ABR: variants seen among roughly 807,000 people sequenced by gnomAD.
ABR encodes the protein ABR activator of RhoGEF and GTPase.
In ABR, 35 loss-of-function variants were observed where a neutral mutation model predicts 107.2. The ratio of observed to expected loss-of-function variants is 0.33; its 90% confidence interval spans 0.25 to 0.43. The LOEUF (loss-of-function observed/expected upper bound fraction) is 0.43, where lower values mean the gene tolerates loss of function less well. ABR is among the 20% of genes least tolerant of loss of function. The pLI, the probability that ABR is intolerant of heterozygous loss-of-function variation, is 1.00. For missense variants in ABR, 815 were observed against 1,115.2 expected (o/e 0.73, Z 3.83); for synonymous variants, 498 against 462.0 (o/e 1.08, Z -1.00).
chr17:1,062,228 A>G (rs1352666086), intron 10 of ABR, among the ~76,000 whole-genome samples: 1 of 151,672 alleles, frequency 6.6e-6, no homozygotes, highest in Admixed American at 6.6e-5. Flanking sequence ...ATGTTCCTCT[A>G]GACGCTGCTG....
In ABR at chr17:1,051,703, A is replaced by ACAGTGC. The variant is rs1262002382; in HGVS notation, c.1562-1075_1562-1070dup. On this transcript the variant is annotated intron_variant, in intron 14 of 22. Transcript: ENST00000302538. The surrounding 1 kb of genome is among the most constrained non-coding windows in gnomAD (Gnocchi z 4.3). Reference sequence around the variant, plus strand: ...GCAGCGTGAAACAACGTCAGAGGTCACAGTGCGGGCATACAGTGCAGGTGG... The same window carrying ACAGTGC: ...GCAGCGTGAAACAACGTCAGAGGTCACAGTGCCAGTGCGGGCATACAGTGCAGGTGG... 1.3e-5 allele frequency among the ~76,000 whole-genome samples: 2 copies of ACAGTGC among 152,214 alleles called. No individual in the cohort carries two copies. The highest frequency in any genetic ancestry group is 4.8e-5 in the African/African-American group (2 of 41,450).
chr17:1,180,420 G>A (rs1454125272), upstream of ABR, among the ~76,000 whole-genome samples: 2 of 152,150 alleles, frequency 1.3e-5, no homozygotes, highest in African/African-American at 4.8e-5. Flanking sequence ...CGCGGGACGC[G>A]CCTCTCTCCT....
At chr17:1,138,946 T>C (rs2040186453) in intron 1 of ABR, among the ~76,000 whole-genome samples, 1 of 152,238 alleles carries the variant, frequency 6.6e-6, no homozygotes, top group South Asian at 2.1e-4. Context: ...GGGGTTTTTA[T>C]AAGCAGACTT....
chr17:1,046,614 C>T (rs1308251284), intron 16 of ABR, among the ~76,000 whole-genome samples: 5 of 152,224 alleles, frequency 3.3e-5, no homozygotes, highest in Admixed American at 2.0e-4. Flanking sequence ...AGACAAAGGA[C>T]GCTCACCTTA....
At chr17:1,127,799 C>T (rs944661158) in intron 1 of ABR, among the ~76,000 whole-genome samples, 3 of 152,168 alleles carry the variant, frequency 2.0e-5, no homozygotes, top group African/African-American at 7.2e-5. Flanking sequence ...GGGGAAGGGA[C>T]GGTAGGGAAG....
chr17:1,077,083 C>G (rs539673740), intron 6 of ABR, among the ~76,000 whole-genome samples: 19 of 152,252 alleles, frequency 1.2e-4, no homozygotes, highest in Non-Finnish European at 2.5e-4. Context: ...ATTTTACAGA[C>G]AAGGCAACTG....
In ABR at chr17:1,092,278, C is replaced by G. The variant is rs756107078; in HGVS notation, c.346-428G>C. Among the ~76,000 whole-genome samples the G allele has an allele frequency of 2.6e-5, 4 of 152,156 alleles. No homozygotes were observed. Among genetic ancestry groups the G allele is most frequent in the Non-Finnish European group, 5.9e-5 (4 of 68,028 alleles). Reference sequence around the variant, plus strand: ...TCCTTCCAAGAAACAGAATGTGGTTCTAGGACTCAGAAGGTAGGGACCCGA... The same window carrying G: ...TCCTTCCAAGAAACAGAATGTGGTTGTAGGACTCAGAAGGTAGGGACCCGA... On this transcript the variant is annotated intron_variant, in intron 3 of 22. Coordinates refer to ENST00000302538, the MANE Select transcript of ABR (RefSeq NM_021962.5). This position sits in a 1 kb window ranked among gnomAD's most constrained non-coding sequence, Gnocchi z 4.6.
intron 1 of ABR, among the ~76,000 whole-genome samples, chr17:1,178,273 G>A (rs914719514): frequency 1.3e-5 from 2 of 151,600 alleles, no homozygotes; most frequent in Admixed American, 1.3e-4. Flanking sequence ...TAGCTGGGAT[G>A]ACCCTTACAA....
chr17:1,201,947 G>A (rs2042679939), intron 1 of ABR, among the ~76,000 whole-genome samples: 1 of 152,170 alleles, frequency 6.6e-6, no homozygotes, highest in Admixed American at 6.5e-5. Flanking sequence ...AAAGTGCTGG[G>A]ATTACAGGCG....
intron 14 of ABR, among the ~76,000 whole-genome samples, chr17:1,054,342 G>A (rs1373669518): frequency 6.6e-6 from 1 of 152,186 alleles, no homozygotes; most frequent in Non-Finnish European, 1.5e-5. Flanking sequence ...TGCATCCCAG[G>A]GTAAAGGAGA....
intron 1 of ABR, among the ~76,000 whole-genome samples, chr17:1,129,402 G>A (rs1481552285): frequency 6.6e-6 from 1 of 151,626 alleles, no homozygotes; most frequent in Non-Finnish European, 1.5e-5. Flanking sequence ...CGTGGTGGTT[G>A]GCGCCTGTTG....
chr17:1,127,786 G>A (rs552833243), intron 1 of ABR, among the ~76,000 whole-genome samples: 15 of 151,616 alleles, frequency 9.9e-5, no homozygotes, highest in Admixed American at 5.2e-4. Flanking sequence ...CAAGATCAAC[G>A]GGGGGGAAGG....
intron 1 of ABR, among the ~76,000 whole-genome samples, chr17:1,195,304 C>CAAAAAAGAAAA (rs2042535729): frequency 1.1e-5 from 1 of 87,638 alleles, no homozygotes; most frequent in Non-Finnish European, 2.4e-5. Flanking sequence ...GAGACTGTCT[C>CAAAAAAGAAAA]AAAAAAAAAA....
rs1184039492 is a variant in ABR, at chr17:1,005,261, G to GGAACAGTC, written c.*818_*819insGACTGTTC. ...GGAAGGGAACTGAAAAGCAGTAGAAGAAACAGTCAGAGATGCCTCACTGAT... is the reference window on the plus strand; with the variant it reads ...GGAAGGGAACTGAAAAGCAGTAGAAGGAACAGTCAAACAGTCAGAGATGCCTCACTGAT... On this transcript the variant is annotated 3_prime_UTR_variant, in exon 23 of 23. Transcript: ENST00000302538. 1.8e-5 allele frequency: 7 copies of GGAACAGTC among 398,378 alleles called. No homozygotes were observed. The highest frequency in any genetic ancestry group is 2.7e-5 in the Non-Finnish European group (6 of 226,026). The allele number at this position is 398,378 out of a possible 1,614,324, so 24.7% of individuals were successfully genotyped here.
At chr17:1,106,822 A>G (rs1294060209) in intron 2 of ABR, among the ~76,000 whole-genome samples, 2 of 152,116 alleles carry the variant, frequency 1.3e-5, no homozygotes, top group African/African-American at 4.8e-5. Flanking sequence ...GTGCCACCGC[A>G]TCTGGCCCAC....
chr17:1,035,433 T>C (rs943717071), intron 16 of ABR, among the ~76,000 whole-genome samples: 2 of 30,980 alleles, frequency 6.5e-5, no homozygotes, highest in Admixed American at 3.9e-4. Flanking sequence ...CTACACCTGC[T>C]CCCCCCACCC....
intron 2 of ABR, among the ~76,000 whole-genome samples, chr17:1,118,025 C>T (rs567698050): frequency 2.6e-4 from 14 of 53,616 alleles, no homozygotes; most frequent in African/African-American, 1.0e-3. Flanking sequence ...TTCTCCCCAG[C>T]GTTATCGCTG....
intron 1 of ABR, among the ~76,000 whole-genome samples, chr17:1,155,362 A>T (rs1045435090): frequency 1.3e-5 from 2 of 152,182 alleles, no homozygotes; most frequent in African/African-American, 2.4e-5. Flanking sequence ...CCACATGTAA[A>T]AGTTGAACTT....
At chr17:1,180,940 C>T (rs1190235365), upstream of ABR, among the ~76,000 whole-genome samples, 1 of 152,168 alleles carries the variant, frequency 6.6e-6, no homozygotes, top group African/African-American at 2.4e-5. Context: ...GGCAGTGGGG[C>T]TGAAGCCCCT....
Sources: allele counts gnomAD v4.1 joint callset (sites outside exome capture counted in the v4.1 genomes callset), GRCh38; gene constraint gnomAD v4.1.1; non-coding constraint Gnocchi (gnomAD v3.1); transcripts MANE v1.5; gene names NCBI Gene and HGNC (gene_info 2026-07-23, HGNC 2026-07-21).